ADGRL4: variants seen among roughly 807,000 people sequenced by gnomAD.
ADGRL4 encodes the protein EGF, latrophilin and seven transmembrane domain containing 1.
ADGRL4 carries 90 observed loss-of-function variants against 74.8 expected under a neutral mutation model. That is an observed-to-expected ratio of 1.20 (90% CI 1.02 to 1.43). The LOEUF is 1.43. Among genes scored for constraint, ADGRL4 ranks in the 40% most tolerant of loss-of-function variants. The probability of loss-of-function intolerance (pLI) is 0.00; values close to 1 mark genes in which losing one functional copy is unlikely to be tolerated. For missense variants in ADGRL4, 881 were observed against 814.3 expected, an observed-to-expected ratio of 1.08 and a Z score of -1.00; for synonymous variants, 311 against 279.2, an observed-to-expected ratio of 1.11 and a Z score of -1.14.
rs141285727 is a variant in ADGRL4 at position 78,941,506 on chromosome 1, T to C, written c.326-2248A>G. Among the ~76,000 whole-genome samples the C allele has an allele frequency of 3.0e-3, 453 of 152,298 alleles. 4 individuals carry two copies. The highest frequency in any genetic ancestry group is 0.011 in the African/African-American group (438 of 41,572). On this transcript the variant is annotated intron_variant, in intron 3 of 14. Coordinates refer to ENST00000370742, the MANE Select transcript of ADGRL4 (RefSeq NM_022159.4). ...GAATACCCTTGTTTTGTAGTTGAGATGCCTTCTATAGGTAACAGTAAACAA... is the reference window on the plus strand; with the variant it reads ...GAATACCCTTGTTTTGTAGTTGAGACGCCTTCTATAGGTAACAGTAAACAA...
chr1:78,986,822 C>T (rs1363324011), intron 2 of ADGRL4, among the ~76,000 whole-genome samples: 1 of 151,554 alleles, frequency 6.6e-6, no homozygotes, highest in Non-Finnish European at 1.5e-5. Flanking sequence ...TATAAATAAT[C>T]TAAGTTAAAA....
At position 78,926,901 on chromosome 1, in the gene ADGRL4, T is replaced by G. The variant is rs766430634; in HGVS notation, c.1068A>C (p.Thr356=). The G allele has an allele frequency of 1.9e-6, 3 of 1,611,130 alleles. No homozygotes were observed. The highest frequency in any genetic ancestry group is 1.7e-6 in the Non-Finnish European group (2 of 1,178,066). The change falls in exon 8 of 15, where the codon ACA becomes ACC. Residue 356 remains threonine, a synonymous_variant. Transcript: ENST00000370742. ...AACAGCTTACCTTTCGATGACTTAA[T>G]GTAAATGTTATTTTTTCAAGTTCAT... The part of the protein sequence containing the change: ...TLYELEKITF[T]LSHRKVTDRY...
intron 2 of ADGRL4, among the ~76,000 whole-genome samples, chr1:78,998,860 A>G (rs1650778505): frequency 6.6e-6 from 1 of 152,150 alleles, no homozygotes. Context: ...TTCTCTGGCA[A>G]ATTACTTAAT....
intron 2 of ADGRL4, among the ~76,000 whole-genome samples, chr1:78,959,434 C>T (rs972344666): frequency 1.3e-5 from 2 of 152,146 alleles, no homozygotes; most frequent in Non-Finnish European, 2.9e-5. Flanking sequence ...CACTCAATAC[C>T]ACCATTTGCC....
chr1:78,947,489 A>T (rs1649627331), intron 2 of ADGRL4, among the ~76,000 whole-genome samples: 1 of 152,182 alleles, frequency 6.6e-6, no homozygotes, highest in South Asian at 2.1e-4. Context: ...AGACGTTTTC[A>T]CGTTTTTGAA....
intron 2 of ADGRL4, among the ~76,000 whole-genome samples, chr1:78,984,765 C>G (rs1039141325): frequency 1.3e-5 from 2 of 151,670 alleles, no homozygotes; most frequent in African/African-American, 2.4e-5. Context: ...AGAAATTTCT[C>G]CTAGAAATGG....
intron 2 of ADGRL4, among the ~76,000 whole-genome samples, chr1:78,999,207 T>C (rs1158154123): frequency 1.3e-5 from 2 of 152,150 alleles, no homozygotes; most frequent in African/African-American, 4.8e-5. Context: ...ATGTCATCAA[T>C]TTTGCAAAAT....
chr1:78,939,052 A>C, intron 4 of ADGRL4, 136 bp downstream of exon 4: 1 of 1,126,452 alleles, frequency 8.9e-7, no homozygotes, highest in Non-Finnish European at 1.1e-6. Flanking sequence ...TGATGCTTAG[A>C]TCTCTATATG....
chr1:78,942,147 C>T (rs1403708095), intron 3 of ADGRL4, among the ~76,000 whole-genome samples: 1 of 129,876 alleles, frequency 7.7e-6, no homozygotes, highest in African/African-American at 3.0e-5. Flanking sequence ...GCACTCCAGC[C>T]TGGGTGACAG....
intron 2 of ADGRL4, among the ~76,000 whole-genome samples, chr1:78,976,282 A>T (rs1045914414): frequency 3.3e-5 from 5 of 152,050 alleles, no homozygotes; most frequent in African/African-American, 1.2e-4. Context: ...TGAAAGCATA[A>T]TAGTGAGCAA....
At chr1:78,985,666 TA>T (rs1650479084) in intron 2 of ADGRL4, among the ~76,000 whole-genome samples, 1 of 151,702 alleles carries the variant, frequency 6.6e-6, no homozygotes, top group Non-Finnish European at 1.5e-5. Context: ...TGTCAAAAGA[TA>T]GGGGTAGGAA....
chr1:78,948,127 T>C (rs1302310798), intron 2 of ADGRL4, among the ~76,000 whole-genome samples: 1 of 152,158 alleles, frequency 6.6e-6, no homozygotes, highest in African/African-American at 2.4e-5. Context: ...CATAGTTACC[T>C]TCCTGGCAGG....
At chr1:78,906,567 A>C (rs767019895) in intron 12 of ADGRL4, among the ~76,000 whole-genome samples, 1 of 152,046 alleles carries the variant, frequency 6.6e-6, no homozygotes, top group African/African-American at 2.4e-5. Context: ...TGTGAAGAGC[A>C]TTTACAACAA....
chr1:78,896,429 C>T (rs1648401090), intron 12 of ADGRL4, among the ~76,000 whole-genome samples: 2 of 151,984 alleles, frequency 1.3e-5, no homozygotes, highest in South Asian at 4.1e-4. Flanking sequence ...AGTCAAAAAC[C>T]AAACTGCTGT....
chr1:79,005,782 TC>T (rs1650950038), intron 1 of ADGRL4, among the ~76,000 whole-genome samples: 1 of 152,238 alleles, frequency 6.6e-6, no homozygotes, highest in Non-Finnish European at 1.5e-5. Context: ...TCAATTGTTT[TC>T]AATTCAATTA....
At chr1:78,952,627 G>C (rs1649753756) in intron 2 of ADGRL4, among the ~76,000 whole-genome samples, 1 of 152,028 alleles carries the variant, frequency 6.6e-6, no homozygotes, top group Non-Finnish European at 1.5e-5. Context: ...GACTTATAAA[G>C]CCCATAGTGT....
chr1:78,894,984 A>G (rs561610344), intron 12 of ADGRL4, among the ~76,000 whole-genome samples: 2 of 152,038 alleles, frequency 1.3e-5, no homozygotes, highest in Non-Finnish European at 2.9e-5. Context: ...TCTACATCAC[A>G]TGCTGAACTA....
At chr1:78,939,086 A>T in intron 4 of ADGRL4, 102 bp downstream of exon 4, 1 of 1,352,462 alleles carries the variant, frequency 7.4e-7, no homozygotes, top group Non-Finnish European at 9.7e-7. Flanking sequence ...CTCTCCCTAA[A>T]GTTTGACTAC....
chr1:78,935,127 T>C (rs1030817350), intron 7 of ADGRL4, among the ~76,000 whole-genome samples: 5 of 152,224 alleles, frequency 3.3e-5, no homozygotes, highest in African/African-American at 1.2e-4. Flanking sequence ...CAGCACTATT[T>C]ACAATAGCAA....
Sources: allele counts gnomAD v4.1 joint callset (sites outside exome capture counted in the v4.1 genomes callset), GRCh38; gene constraint gnomAD v4.1.1; transcripts MANE v1.5; gene names NCBI Gene and HGNC (gene_info 2026-07-23, HGNC 2026-07-21).